Variants in SH3GL2 observed in about 807,000 individuals in gnomAD.
The protein encoded by SH3GL2 is endophilin-A1.
In SH3GL2, 24 loss-of-function variants were observed where a neutral mutation model predicts 46.0. The observed-to-expected ratio is 0.52, with a 90% confidence interval of 0.38 to 0.73. The LOEUF (loss-of-function observed/expected upper bound fraction) is 0.73. SH3GL2 is among the 30% of genes least tolerant of loss of function. The probability of loss-of-function intolerance (pLI) is 0.00; values close to 1 mark genes in which losing one functional copy is unlikely to be tolerated. For synonymous variants in SH3GL2, 196 were observed against 147.1 expected, an observed-to-expected ratio of 1.33 and a Z score of -2.40; for missense variants, 413 against 424.2, an observed-to-expected ratio of 0.97 and a Z score of 0.23.
At chr9:17,741,680 C>G (rs1033318006) in intron 1 of SH3GL2, among the ~76,000 whole-genome samples, 5 of 152,220 alleles carry the variant, frequency 3.3e-5, no homozygotes, top group Admixed American at 6.5e-5. Flanking sequence ...ATTTTCTGCT[C>G]TGCTCTTCAA....
intron 1 of SH3GL2, among the ~76,000 whole-genome samples, chr9:17,592,086 C>T (rs1009634809): frequency 2.0e-5 from 3 of 152,028 alleles, no homozygotes; most frequent in Non-Finnish European, 4.4e-5. Context: ...TCAGGAAACC[C>T]GGTGGTGTAA....
At chr9:17,689,268 T>A (rs2118114036) in intron 1 of SH3GL2, among the ~76,000 whole-genome samples, 1 of 152,070 alleles carries the variant, frequency 6.6e-6, no homozygotes, top group South Asian at 2.1e-4. Context: ...AAGAAAAGTC[T>A]GAGAAACTGT....
intron 1 of SH3GL2, among the ~76,000 whole-genome samples, chr9:17,593,697 G>T (rs1818523838): frequency 6.6e-6 from 1 of 152,136 alleles, no homozygotes; most frequent in Non-Finnish European, 1.5e-5. Context: ...AAAAAGGAAG[G>T]TCATTTGTTT....
intron 1 of SH3GL2, chr9:17,590,100 T>G (rs1274940032): frequency 6.6e-6 from 1 of 152,166 alleles, no homozygotes; most frequent in Non-Finnish European, 1.5e-5. Context: ...AATTGCAGGG[T>G]GGACACACCT....
At chr9:17,744,580 T>C (rs1382552385) in intron 1 of SH3GL2, among the ~76,000 whole-genome samples, 1 of 152,126 alleles carries the variant, frequency 6.6e-6, no homozygotes, top group South Asian at 2.1e-4. Flanking sequence ...TTGCCCAGGC[T>C]GGTCTCGGAA....
Position 17,726,781 on chromosome 9 carries a change from G to T in SH3GL2, c.46-20285G>T, listed in dbSNP as rs145388194. On this transcript the variant is annotated intron_variant, in intron 1 of 8. Transcript: ENST00000380607. The stretch of plus-strand genomic sequence containing the variant: ...TCATAAACTTATAATCATCAGATTT[G>T]CAAAAATTAAAAAGTCTGACAAAGT... Among the ~76,000 whole-genome samples, 452 of 152,230 alleles carry T rather than the reference G, an allele frequency of 3.0e-3. 8 individuals are homozygous for T. Among genetic ancestry groups the T allele is most frequent in the African/African-American group, 9.9e-3 (410 of 41,566 alleles).
At chr9:17,589,153 C>G (rs1243898397) in intron 1 of SH3GL2, 1 of 152,092 alleles carries the variant, frequency 6.6e-6, no homozygotes, top group Non-Finnish European at 1.5e-5. Flanking sequence ...CTGAATAAGT[C>G]TTTTCTTAAT....
chr9:17,734,930 A>G (rs746408029), intron 1 of SH3GL2, among the ~76,000 whole-genome samples: 22 of 152,120 alleles, frequency 1.4e-4, no homozygotes, highest in Non-Finnish European at 2.1e-4. Context: ...TGGATTGTGT[A>G]CTTTAAACGG....
At chr9:17,715,574 C>G (rs1450036283) in intron 1 of SH3GL2, among the ~76,000 whole-genome samples, 3 of 151,812 alleles carry the variant, frequency 2.0e-5, no homozygotes, top group African/African-American at 4.8e-5. Context: ...TTTCACTAAT[C>G]ATTTTTCCTG....
intron 3 of SH3GL2, among the ~76,000 whole-genome samples, chr9:17,777,227 T>G (rs1374998587): frequency 6.6e-6 from 1 of 152,238 alleles, no homozygotes; most frequent in South Asian, 2.1e-4. Context: ...TTTTAGAGGC[T>G]TCTTTCAAAC....
chr9:17,776,955 A>G (rs1488015622), intron 3 of SH3GL2, among the ~76,000 whole-genome samples: 3 of 152,154 alleles, frequency 2.0e-5, no homozygotes, highest in Admixed American at 6.6e-5. Flanking sequence ...CCAGCACACC[A>G]CTGGATTGAA....
In SH3GL2 at chr9:17,786,263, A is replaced by G. The variant is rs1036376344; in HGVS notation, c.188-118A>G. On this transcript the variant is annotated intron_variant, in intron 3 of 8. Transcript: ENST00000380607. The stretch of plus-strand genomic sequence containing the variant: ...GAGAACACTGGAGCGTACTGAAGGT[A>G]CACTTATCAGTAGCTGAGCTACTTT... 7.3e-5 allele frequency: 63 copies of G among 867,480 alleles called. No individual in the cohort carries two copies. In the Admixed American group the frequency reaches 1.5e-3, roughly 21 times the overall value. 53.7% of individuals were successfully genotyped at this position (867,480 alleles called of 1,614,324 possible).
intron 3 of SH3GL2, among the ~76,000 whole-genome samples, chr9:17,773,327 G>A (rs931141700): frequency 3.3e-5 from 5 of 152,088 alleles, no homozygotes; most frequent in Non-Finnish European, 5.9e-5. Context: ...AAGTCCAATT[G>A]TGTAATTTTT....
At chr9:17,793,327 T>G in intron 7 of SH3GL2, 40 bp from the exon 8 acceptor site, 2 of 1,570,284 alleles carry the variant, frequency 1.3e-6, no homozygotes, top group Non-Finnish European at 1.7e-6. Flanking sequence ...ACTTCTTAAC[T>G]GGTTACATAA....
chr9:17,714,308 A>T (rs1320686299), intron 1 of SH3GL2, among the ~76,000 whole-genome samples: 1 of 151,686 alleles, frequency 6.6e-6, no homozygotes, highest in African/African-American at 2.4e-5. Context: ...CTTTTATCCA[A>T]TCTGAAAATC....
chr9:17,774,966 A>G (rs1383104257), intron 3 of SH3GL2, among the ~76,000 whole-genome samples: 2 of 152,128 alleles, frequency 1.3e-5, no homozygotes, highest in Non-Finnish European at 2.9e-5. Context: ...CTTACTAATG[A>G]TAGGTCTGTT....
intron 1 of SH3GL2, among the ~76,000 whole-genome samples, chr9:17,648,438 C>A (rs1819879193): frequency 6.6e-6 from 1 of 152,158 alleles, no homozygotes; most frequent in African/African-American, 2.4e-5. Context: ...TACAGATCTT[C>A]AAGGCCTGGC....
intron 1 of SH3GL2, among the ~76,000 whole-genome samples, chr9:17,651,936 T>G (rs1302752471): frequency 6.6e-6 from 1 of 152,194 alleles, no homozygotes. Context: ...GCCAAATCAT[T>G]GCCTCCTCTC....
At chr9:17,763,632 C>CTGAA (rs1823239952) in intron 3 of SH3GL2, among the ~76,000 whole-genome samples, 1 of 152,202 alleles carries the variant, frequency 6.6e-6, no homozygotes, top group Admixed American at 6.5e-5. Context: ...TTCCGGTATG[C>CTGAA]TGAACTGTGA....
Sources: allele counts gnomAD v4.1 joint callset (sites outside exome capture counted in the v4.1 genomes callset), GRCh38; gene constraint gnomAD v4.1.1; transcripts MANE v1.5; gene names NCBI Gene and HGNC (gene_info 2026-07-23, HGNC 2026-07-21).